MTDH: variants seen among roughly 807,000 people sequenced by gnomAD.
The protein encoded by MTDH is protein LYRIC.
Under a neutral mutation model 72.7 loss-of-function variants are expected in MTDH, and 34 were observed. The observed-to-expected ratio is 0.47, with a 90% confidence interval of 0.36 to 0.62. The LOEUF is 0.62. Ranked by LOEUF, MTDH falls within the 20% of genes least tolerant of loss-of-function variation. The probability of loss-of-function intolerance (pLI) is 0.00; values close to 1 mark genes in which losing one functional copy is unlikely to be tolerated. For missense variants in MTDH, 677 were observed against 699.4 expected (o/e 0.97, Z 0.36); for synonymous variants, 266 against 268.9 (o/e 0.99, Z 0.10).
intron 2 of MTDH, among the ~76,000 whole-genome samples, chr8:97,664,398 C>T (rs572458709): frequency 2.6e-5 from 4 of 152,030 alleles, no homozygotes; most frequent in East Asian, 3.9e-4. Flanking sequence ...AGGATGTGAA[C>T]GCAGCTTATT....
chr8:97,685,221 T>C (rs1813312204), intron 2 of MTDH, among the ~76,000 whole-genome samples: 1 of 152,110 alleles, frequency 6.6e-6, no homozygotes. Flanking sequence ...GTTTAGTACA[T>C]GTAATAAAGC....
intron 1 of MTDH, among the ~76,000 whole-genome samples, chr8:97,648,450 T>C (rs1811643807): frequency 6.6e-6 from 1 of 152,168 alleles, no homozygotes; most frequent in Non-Finnish European, 1.5e-5. Flanking sequence ...GCTTTGAATT[T>C]CAACTGGAAG....
chr8:97,720,681 C>T (rs1326863403), intron 10 of MTDH, among the ~76,000 whole-genome samples: 2 of 134,594 alleles, frequency 1.5e-5, no homozygotes, highest in Non-Finnish European at 3.1e-5. Flanking sequence ...GAGTCTTGCT[C>T]TATTGCCCAG....
rs566038801 is a variant in MTDH at position 97,650,756 on chromosome 8, G to A, written c.381+5869G>A. The stretch of plus-strand genomic sequence containing the variant: ...ATTTATTTATTTATTTTTTGAGCTG[G>A]GGTCTCACTGTCACCCACGCTGGAG... On this transcript the variant is annotated intron_variant, in intron 1 of 11. Coordinates refer to ENST00000336273, the MANE Select transcript of MTDH (RefSeq NM_178812.4). Among the ~76,000 whole-genome samples, 5 of 151,684 alleles carry A rather than the reference G, an allele frequency of 3.3e-5. No individual in the cohort carries two copies. The South Asian group carries it at 6.3e-4, about 19-fold the overall frequency.
chr8:97,685,969 A>G (rs1429934833), intron 2 of MTDH, among the ~76,000 whole-genome samples: 2 of 152,194 alleles, frequency 1.3e-5, no homozygotes, highest in Non-Finnish European at 2.9e-5. Flanking sequence ...GAATTGGAAT[A>G]TCATTCGAAA....
intron 2 of MTDH, among the ~76,000 whole-genome samples, chr8:97,683,742 ACC>A (rs1225666589): frequency 9.9e-5 from 15 of 152,054 alleles, no homozygotes; most frequent in Admixed American, 2.0e-4. Context: ...AAATGGGGAT[ACC>A]TACTTTAGTT....
At chr8:97,661,366 A>G (rs1812166992) in intron 2 of MTDH, among the ~76,000 whole-genome samples, 193 bp downstream of exon 2, 1 of 152,230 alleles carries the variant, frequency 6.6e-6, no homozygotes, top group African/African-American at 2.4e-5. Context: ...GGAAAGTTGC[A>G]TCACCAAATA....
intron 1 of MTDH, among the ~76,000 whole-genome samples, chr8:97,653,339 C>T (rs551622025): frequency 3.3e-5 from 5 of 152,268 alleles, no homozygotes; most frequent in South Asian, 4.1e-4. Flanking sequence ...GTTTCGATGG[C>T]ATGTTCCAGG....
chr8:97,698,247 A>G (rs1010596335), intron 6 of MTDH, among the ~76,000 whole-genome samples: 4 of 152,208 alleles, frequency 2.6e-5, no homozygotes, highest in Non-Finnish European at 5.9e-5. Context: ...AATACATATC[A>G]GAGTCATCTA....
intron 8 of MTDH, among the ~76,000 whole-genome samples, chr8:97,711,349 A>AG (rs1363429518): frequency 1.3e-5 from 2 of 151,504 alleles, no homozygotes; most frequent in South Asian, 2.1e-4. Flanking sequence ...AAAAAAAAAA[A>AG]AAAAGAAAAA....
At chr8:97,649,020 T>C (rs563993372) in intron 1 of MTDH, among the ~76,000 whole-genome samples, 1 of 152,194 alleles carries the variant, frequency 6.6e-6, no homozygotes, top group Non-Finnish European at 1.5e-5. Flanking sequence ...TATGATATTG[T>C]ATTTTTACTA....
rs148470671 is a variant in MTDH, at chr8:97,705,929, C to T, written c.1148-697C>T. Among the ~76,000 whole-genome samples, 421 of 152,188 alleles carry T rather than the reference C, an allele frequency of 2.8e-3. 2 individuals are homozygous for T. Among genetic ancestry groups the T allele is most frequent in the African/African-American group, 9.6e-3 (398 of 41,520 alleles). On this transcript the variant is annotated intron_variant, in intron 7 of 11. Coordinates refer to ENST00000336273, the MANE Select transcript of MTDH (RefSeq NM_178812.4). ...TCCTCAAGGAGTTAAAAATTCAGTG[C>T]ATCCTATAGTGAAATAAAGGGATCT...
chr8:97,658,288 T>G (rs1323891888), intron 1 of MTDH, among the ~76,000 whole-genome samples: 2 of 152,214 alleles, frequency 1.3e-5, no homozygotes, highest in Non-Finnish European at 2.9e-5. Flanking sequence ...GAACTAAAAT[T>G]GGCACAGATA....
rs558562672 is a variant in MTDH at position 97,713,738 on chromosome 8, A to G, written c.1349A>G (p.Lys450Arg). The G allele has an allele frequency of 1.9e-6, 3 of 1,605,962 alleles. No individual in the cohort carries two copies. The highest frequency in any genetic ancestry group is 3.4e-5 in the Admixed American group (2 of 58,538). Reference sequence around the variant, plus strand: ...TCCAAAAAGAAAAAAAAGAAAAAGAAGAAGCAAGGTGAAGATAACTCTACT... The same window carrying G: ...TCCAAAAAGAAAAAAAAGAAAAAGAGGAAGCAAGGTGAAGATAACTCTACT... ...GKSKKKKKKK[K>R]KQGEDNSTAQ... The change falls in exon 9 of 12, where the codon AAG (lysine) becomes AGG (arginine). Residue 450 changes from lysine (K) to arginine (R), a missense_variant. Lys to Arg is a conservative substitution (Grantham distance 26). Transcript: ENST00000336273.
chr8:97,672,082 A>G (rs1812647294), intron 2 of MTDH, among the ~76,000 whole-genome samples: 1 of 152,170 alleles, frequency 6.6e-6, no homozygotes, highest in African/African-American at 2.4e-5. Flanking sequence ...TCCCTCCATA[A>G]TGCATCTTAG....
chr8:97,712,983 T>C (rs1420341994), intron 8 of MTDH, among the ~76,000 whole-genome samples: 1 of 152,248 alleles, frequency 6.6e-6, no homozygotes, highest in Non-Finnish European at 1.5e-5. Flanking sequence ...GTTATTTCAT[T>C]CCTTAACAGG....
intron 2 of MTDH, among the ~76,000 whole-genome samples, chr8:97,678,728 C>T (rs1812955245): frequency 6.6e-6 from 1 of 151,208 alleles, no homozygotes; most frequent in South Asian, 2.1e-4. Flanking sequence ...CATGAGCCAC[C>T]TTGACTGGCC....
rs1000140275 is a variant in MTDH, at chr8:97,725,623, A to G, written c.*953A>G. On this transcript the variant is annotated 3_prime_UTR_variant, in exon 12 of 12. Coordinates refer to ENST00000336273, the MANE Select transcript of MTDH (RefSeq NM_178812.4). ...TTTAATTGACATTGTCAACACCTCC[A>G]GTTATCAGGAATACATTTTTTTACT... 27 of 152,636 alleles carry G rather than the reference A, an allele frequency of 1.8e-4. No individual in the cohort carries two copies. The highest frequency in any genetic ancestry group is 5.2e-4 in the Admixed American group (8 of 15,260). The allele number at this position is 152,636 out of a possible 1,614,324, so 9.5% of individuals were successfully genotyped here.
intron 2 of MTDH, among the ~76,000 whole-genome samples, chr8:97,682,258 A>G (rs868278210): frequency 1.7e-3 from 9 of 5,286 alleles, no homozygotes; most frequent in African/African-American, 5.1e-3. Context: ...ATATATATAT[A>G]TATATATATA....
Sources: gnomAD v4.1 joint callset for allele counts (sites outside exome capture counted in the v4.1 genomes callset) on GRCh38, gnomAD v4.1.1 for gene constraint, MANE v1.5 for transcripts, NCBI Gene and HGNC (gene_info 2026-07-23, HGNC 2026-07-21) for gene names.